Variants in ADAMTS20 observed in about 807,000 individuals in gnomAD.
ADAMTS20 encodes the protein ADAM metallopeptidase with thrombospondin type 1 motif 20, also known as A disintegrin and metalloproteinase with thrombospondin motifs 20.
In ADAMTS20, 225 loss-of-function variants were observed where a neutral mutation model predicts 260.1. The observed-to-expected ratio is 0.87, with a 90% CI of 0.78 to 0.97. The LOEUF (loss-of-function observed/expected upper bound fraction) is 0.97, where lower values mean the gene tolerates loss of function less well. ADAMTS20 is among the 50% of genes least tolerant of loss of function. ADAMTS20 has a pLI of 0.00. For synonymous variants in ADAMTS20, 802 were observed against 769.5 expected (o/e 1.04, Z -0.70); for missense variants, 2,400 against 2,337.7 (o/e 1.03, Z -0.55).
intron 37 of ADAMTS20, among the ~76,000 whole-genome samples, chr12:43,358,729 C>T (rs1407812034): frequency 8.8e-5 from 13 of 148,336 alleles, no homozygotes; most frequent in Admixed American, 6.8e-4. Flanking sequence ...CCCAGCTACA[C>T]GGGAGGCTGA....
At chr12:43,361,879 A>T (rs1421994617) in intron 37 of ADAMTS20, among the ~76,000 whole-genome samples, 1 of 152,156 alleles carries the variant, frequency 6.6e-6, no homozygotes, top group Non-Finnish European at 1.5e-5. Flanking sequence ...CAGTTATATG[A>T]TTTACTTGTA....
chr12:43,489,730 G>GAT (rs2137426718), intron 7 of ADAMTS20, among the ~76,000 whole-genome samples: 1 of 151,886 alleles, frequency 6.6e-6, no homozygotes, highest in African/African-American at 2.4e-5. Flanking sequence ...TAATCCTAGG[G>GAT]ATATACCCTA....
In ADAMTS20 at chr12:43,438,591, G is replaced by T. The variant is rs139587299; in HGVS notation, c.2593+1031C>A. Among the ~76,000 whole-genome samples the T allele has an allele frequency of 4.9e-4, 75 of 152,188 alleles. 1 individual carries two copies. Among genetic ancestry groups the T allele is most frequent in the African/African-American group, 1.7e-3 (70 of 41,522 alleles). ...CAGGACCAAGACTGTGCCTTTTCCT[G>T]AATAGGGCACCACAGTTCCTTTGGC... On this transcript the variant is annotated intron_variant, in intron 18 of 38. Transcript: ENST00000389420.
chr12:43,550,251 C>G (rs1040086795), intron 2 of ADAMTS20, among the ~76,000 whole-genome samples: 6 of 152,166 alleles, frequency 3.9e-5, no homozygotes, highest in African/African-American at 1.4e-4. Context: ...TAAAATGATA[C>G]TTTTATATCA....
intron 37 of ADAMTS20, among the ~76,000 whole-genome samples, chr12:43,356,940 A>G (rs1939759297): frequency 6.6e-6 from 1 of 152,138 alleles, no homozygotes; most frequent in Admixed American, 6.5e-5. Flanking sequence ...TGGTAAGAAT[A>G]TTACTTCTTA....
chr12:43,407,699 T>C (rs1940944693), intron 28 of ADAMTS20, among the ~76,000 whole-genome samples: 1 of 152,074 alleles, frequency 6.6e-6, no homozygotes, highest in South Asian at 2.1e-4. Context: ...AAGGACTCAA[T>C]TATTGGATTA....
At chr12:43,411,913 T>C (rs569660578) in intron 28 of ADAMTS20, among the ~76,000 whole-genome samples, 108 of 152,170 alleles carry the variant, frequency 7.1e-4, no homozygotes, top group Non-Finnish European at 1.3e-3. Flanking sequence ...TTTAATAAAA[T>C]ACAAAGAAAT....
At chr12:43,402,611 C>T (rs1005674901) in intron 28 of ADAMTS20, among the ~76,000 whole-genome samples, 9 of 152,110 alleles carry the variant, frequency 5.9e-5, no homozygotes, top group Non-Finnish European at 1.0e-4. Context: ...TGATACCTTC[C>T]TTTCAAACCA....
At chr12:43,365,504 T>C (rs972431396) in intron 37 of ADAMTS20, among the ~76,000 whole-genome samples, 1 of 151,894 alleles carries the variant, frequency 6.6e-6, no homozygotes, top group East Asian at 1.9e-4. Context: ...ATAAGACAGA[T>C]GGAAGCAAAG....
intron 3 of ADAMTS20, among the ~76,000 whole-genome samples, chr12:43,523,868 C>G (rs76466240): frequency 8.7e-6 from 1 of 114,438 alleles, no homozygotes; most frequent in South Asian, 3.9e-4. Context: ...CAGCACCCCC[C>G]TCCCCCAACC....
intron 29 of ADAMTS20, among the ~76,000 whole-genome samples, chr12:43,387,805 C>A (rs1940512690): frequency 6.6e-6 from 1 of 152,200 alleles, no homozygotes; most frequent in Non-Finnish European, 1.5e-5. Flanking sequence ...CCTATTTGAA[C>A]TTCCCTGTGG....
At chr12:43,544,413 A>G (rs1288070060) in intron 2 of ADAMTS20, among the ~76,000 whole-genome samples, 6 of 152,236 alleles carry the variant, frequency 3.9e-5, no homozygotes, top group African/African-American at 7.2e-5. Flanking sequence ...GCAATTCTAT[A>G]TATTAGGTGC....
chr12:43,535,658 A>G (rs1943284902), intron 2 of ADAMTS20, among the ~76,000 whole-genome samples: 2 of 152,208 alleles, frequency 1.3e-5, no homozygotes, highest in Non-Finnish European at 2.9e-5. Context: ...CCATTAGATC[A>G]TATTATTTAA....
chr12:43,493,084 T>C (rs2137431810), intron 5 of ADAMTS20, 86 bp downstream of exon 5: 1 of 904,278 alleles, frequency 1.1e-6, no homozygotes, highest in African/African-American at 1.7e-5. Flanking sequence ...AAATATCTCA[T>C]TTCTAATAAG....
chr12:43,392,866 C>T (rs934991775), intron 29 of ADAMTS20, among the ~76,000 whole-genome samples: 3 of 151,986 alleles, frequency 2.0e-5, no homozygotes, highest in African/African-American at 7.2e-5. Context: ...TCAGCATATC[C>T]CAGGGCTCCA....
At chr12:43,500,385 C>T (rs1462639554) in intron 4 of ADAMTS20, among the ~76,000 whole-genome samples, 1 of 152,142 alleles carries the variant, frequency 6.6e-6, no homozygotes, top group Non-Finnish European at 1.5e-5. Context: ...AAAGTATATC[C>T]CATTGTTCCA....
chr12:43,460,988 ATT>A (rs1161740021), intron 11 of ADAMTS20, among the ~76,000 whole-genome samples: 604 of 26,312 alleles, frequency 0.023, 4 homozygotes, highest in African/African-American at 0.06. Flanking sequence ...ATATATATAT[ATT>A]TTTTTTTTTT....
chr12:43,458,484 T>A (rs1942005000), intron 11 of ADAMTS20, among the ~76,000 whole-genome samples: 1 of 152,234 alleles, frequency 6.6e-6, no homozygotes, highest in African/African-American at 2.4e-5. Context: ...CTTTGAATAC[T>A]CCAGGCATAC....
intron 3 of ADAMTS20, among the ~76,000 whole-genome samples, chr12:43,514,101 A>T (rs2137468193): frequency 6.6e-6 from 1 of 150,842 alleles, no homozygotes; most frequent in East Asian, 2.0e-4. Context: ...AAAAAAAAAA[A>T]AAAAAAAAAG....
Sources: gnomAD v4.1 joint callset for allele counts (sites outside exome capture counted in the v4.1 genomes callset) on GRCh38, gnomAD v4.1.1 for gene constraint, MANE v1.5 for transcripts, NCBI Gene and HGNC (gene_info 2026-07-23, HGNC 2026-07-21) for gene names.